Variants in ELAVL2 observed in about 807,000 individuals in gnomAD.
ELAVL2 encodes ELAV-like protein 2.
In ELAVL2, 4 loss-of-function variants were observed where a neutral mutation model predicts 34.6. That is an observed-to-expected ratio of 0.12 (90% CI 0.06 to 0.26). The LOEUF is 0.26. Ranked by LOEUF, ELAVL2 falls within the 10% of genes least tolerant of loss-of-function variation. ELAVL2 has a pLI of 1.00. For synonymous variants in ELAVL2, 193 were observed against 154.8 expected (o/e 1.25, Z -1.83); for missense variants, 432 against 442.8 (o/e 0.98, Z 0.22).
chr9:23,698,509 T>A (rs987885250), intron 5 of ELAVL2, among the ~76,000 whole-genome samples: 1 of 152,190 alleles, frequency 6.6e-6, no homozygotes, highest in Admixed American at 6.5e-5. Flanking sequence ...ATAATACATA[T>A]AACTTATATT....
At chr9:23,730,516 AATAC>A (rs966279304) in intron 3 of ELAVL2, among the ~76,000 whole-genome samples, 135 of 152,258 alleles carry the variant, frequency 8.9e-4, no homozygotes, top group African/African-American at 3.2e-3. Context: ...GAATATTTGT[AATAC>A]ATAAACATCT....
intron 2 of ELAVL2, among the ~76,000 whole-genome samples, chr9:23,758,187 C>G (rs1053329457): frequency 6.6e-6 from 1 of 152,034 alleles, no homozygotes; most frequent in Non-Finnish European, 1.5e-5. Flanking sequence ...TACTGAGAAA[C>G]TGCACAAGAC....
chr9:23,810,892 T>G (rs903437393), intron 1 of ELAVL2, among the ~76,000 whole-genome samples: 1 of 152,154 alleles, frequency 6.6e-6, no homozygotes, highest in Non-Finnish European at 1.5e-5. Flanking sequence ...TTCACCATCT[T>G]CAATTGCCAA....
intron 2 of ELAVL2, among the ~76,000 whole-genome samples, chr9:23,736,077 C>G (rs1802649867): frequency 6.6e-6 from 1 of 152,096 alleles, no homozygotes; most frequent in Non-Finnish European, 1.5e-5. Context: ...TCTTCTGGAC[C>G]TGTTTCATTC....
chr9:23,767,948 C>A (rs2056621650), intron 1 of ELAVL2, among the ~76,000 whole-genome samples: 2 of 152,090 alleles, frequency 1.3e-5, no homozygotes, highest in Non-Finnish European at 2.9e-5. Flanking sequence ...AATACAATGA[C>A]CCCTGGTGAG....
chr9:23,848,076 CAGTA>C, the ELAVL2 span, among the ~76,000 whole-genome samples: 1 of 152,046 alleles, frequency 6.6e-6, no homozygotes, highest in South Asian at 2.1e-4. Context: ...ATCTATACCT[CAGTA>C]GTAGATAATG....
the ELAVL2 span, among the ~76,000 whole-genome samples, chr9:23,841,329 C>A: frequency 6.6e-6 from 1 of 152,000 alleles, no homozygotes; most frequent in African/African-American, 2.4e-5. Flanking sequence ...CTTTTATAGG[C>A]CTTCTTGGTA....
intron 1 of ELAVL2, among the ~76,000 whole-genome samples, chr9:23,790,802 C>T (rs1653081): frequency 0.2 from 30,887 of 151,942 alleles, 4,685 homozygotes; most frequent in African/African-American, 0.4. Flanking sequence ...CTGCTCTGGA[C>T]GAGCACACAG....
chr9:23,840,178 AG>A, the ELAVL2 span, among the ~76,000 whole-genome samples: 1 of 152,138 alleles, frequency 6.6e-6, no homozygotes, highest in African/African-American at 2.4e-5. Flanking sequence ...CCTACCTTTT[AG>A]GGCTGTTGTG....
chr9:23,805,741 T>C (rs899003736), intron 1 of ELAVL2, among the ~76,000 whole-genome samples: 5 of 152,064 alleles, frequency 3.3e-5, no homozygotes, highest in African/African-American at 9.7e-5. Context: ...ATTCTTCTGA[T>C]AGCCGAAGAG....
intron 1 of ELAVL2, among the ~76,000 whole-genome samples, chr9:23,823,317 T>C (rs1362399864): frequency 6.6e-6 from 1 of 152,208 alleles, no homozygotes; most frequent in Non-Finnish European, 1.5e-5. Flanking sequence ...ATGGGCCTAC[T>C]TAATTTGTCA....
intron 1 of ELAVL2, among the ~76,000 whole-genome samples, chr9:23,811,440 C>T (rs1231730793): frequency 1.3e-5 from 2 of 152,148 alleles, no homozygotes; most frequent in Non-Finnish European, 1.5e-5. Flanking sequence ...TAGTCAGCAG[C>T]CCAGACAACA....
At chr9:23,835,345 A>AAG in the ELAVL2 span, among the ~76,000 whole-genome samples, 1 of 152,164 alleles carries the variant, frequency 6.6e-6, no homozygotes, top group Admixed American at 6.5e-5. Context: ...GAAGATTTTA[A>AAG]AGGTTATTAC....
intron 5 of ELAVL2, among the ~76,000 whole-genome samples, chr9:23,700,670 C>A (rs551267390): frequency 5.9e-5 from 9 of 152,228 alleles, no homozygotes; most frequent in Middle Eastern, 6.8e-3. Context: ...GTGACCATAA[C>A]CCATAAAGTT....
rs2055187047 is a variant in ELAVL2 at position 23,762,210 on chromosome 9, G to A, written c.25C>T (p.Pro9Ser). 1 of 1,613,370 alleles carries A rather than the reference G, an allele frequency of 6.2e-7. No homozygotes were observed. The change falls in exon 2 of 7, where the codon CCA becomes TCA. Residue 9 changes from proline to serine, a missense_variant. Transcript: ENST00000397312. The part of the protein sequence containing the change: METQLSNG[P>S]TCNNTANGPT... Reference sequence around the variant, plus strand: ...CCATTGGCTGTGTTATTGCAAGTTGGCCCATTAGACAGTTGTGTTTCCATG... The same window carrying A: ...CCATTGGCTGTGTTATTGCAAGTTGACCCATTAGACAGTTGTGTTTCCATG...
chr9:23,706,301 A>T (rs1047159605), intron 3 of ELAVL2, among the ~76,000 whole-genome samples: 8 of 152,244 alleles, frequency 5.3e-5, no homozygotes, highest in African/African-American at 1.9e-4. Flanking sequence ...AAGAAACCAC[A>T]TCATTCTTGG....
At chr9:23,791,653 A>G (rs2060336238) in intron 1 of ELAVL2, among the ~76,000 whole-genome samples, 1 of 152,206 alleles carries the variant, frequency 6.6e-6, no homozygotes, top group Non-Finnish European at 1.5e-5. Flanking sequence ...GTGTCCATAT[A>G]AGAAAAGGAA....
At chr9:23,839,810 ATAATTT>A in the ELAVL2 span, among the ~76,000 whole-genome samples, 1 of 152,176 alleles carries the variant, frequency 6.6e-6, no homozygotes, top group African/African-American at 2.4e-5. Flanking sequence ...CATTTTACCT[ATAATTT>A]TAAAGTATCT....
chr9:23,778,859 CTAAA>C (rs1442414938), intron 1 of ELAVL2, among the ~76,000 whole-genome samples: 1 of 152,156 alleles, frequency 6.6e-6, no homozygotes, highest in African/African-American at 2.4e-5. Context: ...TCAAAGCACT[CTAAA>C]TAACTCATTT....
Sources: gnomAD v4.1 joint callset for allele counts (sites outside exome capture counted in the v4.1 genomes callset) on GRCh38, gnomAD v4.1.1 for gene constraint, MANE v1.5 for transcripts, NCBI Gene and HGNC (gene_info 2026-07-23, HGNC 2026-07-21) for gene names.